MYO16: variants seen among roughly 807,000 people sequenced by gnomAD.
MYO16 encodes myosin XVI.
In MYO16, 94 loss-of-function variants were observed where a neutral mutation model predicts 205.3. That is an observed-to-expected ratio of 0.46 (90% confidence interval 0.39 to 0.54). The LOEUF is 0.54. MYO16 is among the 20% of genes least tolerant of loss of function. The probability of loss-of-function intolerance (pLI) is 0.00; values close to 1 mark genes in which losing one functional copy is unlikely to be tolerated. For synonymous variants in MYO16, 988 were observed against 954.0 expected (o/e 1.04, Z -0.66); for missense variants, 2,315 against 2,387.5 (o/e 0.97, Z 0.63).
At position 109,125,484 on chromosome 13, in the gene MYO16, T is replaced by C; in HGVS notation, c.3782+126T>C. 7.7e-7 allele frequency: 1 copy of C among 1,292,558 alleles called. No homozygotes were observed. 80.1% of individuals were successfully genotyped at this position (1,292,558 alleles called of 1,614,324 possible). On this transcript the variant is annotated intron_variant, in intron 30 of 34. Coordinates refer to ENST00000457511, the MANE Select transcript of MYO16 (RefSeq NM_001198950.3). This position sits in a 1 kb window ranked among gnomAD's most constrained non-coding sequence, Gnocchi z 4.0. ...CAGGAGTTGCAGGAACAGGCATGCG[T>C]GGTTTGTTATTCGAAATGGCAGCAG... is the stretch of plus-strand genomic sequence containing the variant.
At chr13:109,084,301 T>TGGAATTGATGGCAGTTA in intron 27 of MYO16, among the ~76,000 whole-genome samples, 1 of 152,118 alleles carries the variant, frequency 6.6e-6, no homozygotes, top group South Asian at 2.1e-4. Context: ...TCCCTATACA[T>TGGAATTGATGGCAGTTA]GGAATTGATG....
intron 27 of MYO16, among the ~76,000 whole-genome samples, chr13:109,088,762 GAC>G (rs534901102): frequency 1.3e-4 from 20 of 152,194 alleles, no homozygotes; most frequent in Non-Finnish European, 2.4e-4. Flanking sequence ...GCGAGAAGAA[GAC>G]ACAGCGCCTT....
Position 109,207,348 on chromosome 13 carries a change from T to C in MYO16, c.*512T>C, listed in dbSNP as rs1880646436. 1 of 152,252 alleles carries C rather than the reference T, an allele frequency of 6.6e-6. No homozygotes were observed. The highest frequency in any genetic ancestry group is 6.5e-5 in the Admixed American group (1 of 15,284). The allele number at this position is 152,252 out of a possible 1,614,324, so 9.4% of individuals were successfully genotyped here. A position where few individuals can be genotyped will look rare whatever the true frequency, so the allele number is the denominator to read the frequency against. On this transcript the variant is annotated 3_prime_UTR_variant, in exon 35 of 35. Coordinates refer to ENST00000457511, the MANE Select transcript of MYO16 (RefSeq NM_001198950.3). The stretch of plus-strand genomic sequence containing the variant: ...ATGTTTATTACTGTAATTTTATAAA[T>C]TTATGCAATTGGTGGTGCTTCCTTT...
At chr13:108,602,021 C>T (rs1878782439) in intron 1 of MYO16, among the ~76,000 whole-genome samples, 1 of 148,916 alleles carries the variant, frequency 6.7e-6, no homozygotes, top group South Asian at 2.2e-4. Context: ...AATGGTGGGG[C>T]CCTCATGATG....
intron 23 of MYO16, among the ~76,000 whole-genome samples, chr13:109,044,775 C>T (rs1310348804): frequency 2.0e-5 from 3 of 152,154 alleles, no homozygotes; most frequent in South Asian, 2.1e-4. Context: ...CTGCAGCTTC[C>T]GCCTCCCAGG....
At chr13:108,535,715 T>C in the MYO16 span, among the ~76,000 whole-genome samples, 1 of 152,188 alleles carries the variant, frequency 6.6e-6, no homozygotes, top group Non-Finnish European at 1.5e-5. Flanking sequence ...TGTAGTCTTT[T>C]TTCTTAGGTG....
intron 4 of MYO16, among the ~76,000 whole-genome samples, chr13:108,774,844 G>T (rs1487007895): frequency 6.6e-6 from 1 of 152,138 alleles, no homozygotes; most frequent in Non-Finnish European, 1.5e-5. Context: ...TACATCATGA[G>T]AAAGTATATA....
At chr13:109,042,684 C>G (rs1227250532) in intron 23 of MYO16, among the ~76,000 whole-genome samples, 1 of 152,174 alleles carries the variant, frequency 6.6e-6, no homozygotes, top group Non-Finnish European at 1.5e-5. Context: ...TACTGGTCAT[C>G]TATATCTTAT....
rs149648558 is a variant in MYO16 at position 108,985,495 on chromosome 13, G to A, written c.2370-6881G>A. Among the ~76,000 whole-genome samples the A allele has an allele frequency of 5.2e-3, 795 of 152,342 alleles. 8 individuals carry two copies. The highest frequency in any genetic ancestry group is 0.018 in the African/African-American group (759 of 41,584). On this transcript the variant is annotated intron_variant, in intron 20 of 34. Transcript: ENST00000457511. ...TTTGACAGCGTAGCATGTAGCTGAC[G>A]TGTCAGCAGACGTGGGAGGAGACCA...
At chr13:108,496,456 A>G in the MYO16 span, among the ~76,000 whole-genome samples, 1 of 152,116 alleles carries the variant, frequency 6.6e-6, no homozygotes, top group Non-Finnish European at 1.5e-5. Context: ...TCTTGCGCGG[A>G]TTCTGCTGAC....
chr13:108,968,764 G>A (rs547285939), intron 20 of MYO16, among the ~76,000 whole-genome samples: 8 of 152,234 alleles, frequency 5.3e-5, no homozygotes, highest in South Asian at 2.1e-4. Flanking sequence ...GACTCAGATC[G>A]ACATCACCAC....
At chr13:108,829,876 T>C (rs7997466) in intron 9 of MYO16, among the ~76,000 whole-genome samples, 93,192 of 151,360 alleles carry the variant, frequency 0.62, 29,564 homozygotes, top group Middle Eastern at 0.72. Flanking sequence ...AAAGGGCTAA[T>C]ATCCAGAATC....
At chr13:109,027,749 C>G (rs1330079812) in intron 23 of MYO16, among the ~76,000 whole-genome samples, 1 of 152,120 alleles carries the variant, frequency 6.6e-6, no homozygotes, top group African/African-American at 2.4e-5. Context: ...ATTATTTTTA[C>G]TCATTTTTTC....
At chr13:108,749,406 C>T (rs981984956) in intron 4 of MYO16, among the ~76,000 whole-genome samples, 9 of 152,094 alleles carry the variant, frequency 5.9e-5, no homozygotes, top group East Asian at 1.9e-4. Context: ...ACAAAGAACT[C>T]GTAAACCTCA....
rs3042037 is a variant in MYO16 at position 108,898,351 on chromosome 13, AGTGTGT to A, written c.1777+251_1777+256del. ...TCAGGCACTCAGTTGAGGGTGTGTGAGTGTGTGTGTGTGTGTGTGTGTGTGTGTGTG... is the reference window on the plus strand; with the variant it reads ...TCAGGCACTCAGTTGAGGGTGTGTGAGTGTGTGTGTGTGTGTGTGTGTGTG... On this transcript the variant is annotated intron_variant, in intron 15 of 34. Transcript: ENST00000457511. Among the ~76,000 whole-genome samples the A allele has an allele frequency of 5.2e-3, 748 of 144,956 alleles. 9 individuals are homozygous for A. The highest frequency in any genetic ancestry group is 0.036 in the East Asian group (174 of 4,868).
the MYO16 span, among the ~76,000 whole-genome samples, chr13:108,533,714 T>C: frequency 2.6e-5 from 4 of 152,346 alleles, no homozygotes; most frequent in East Asian, 7.7e-4. Context: ...ACAGCAAATA[T>C]GTATTTAGTC....
chr13:108,643,963 A>G (rs1270740668), intron 1 of MYO16, among the ~76,000 whole-genome samples: 2 of 152,178 alleles, frequency 1.3e-5, no homozygotes, highest in East Asian at 3.9e-4. Context: ...GGGATGGGAA[A>G]TATTAGGTAA....
chr13:109,179,781 GTCT>G (rs1038477348), intron 34 of MYO16, 148 bp downstream of exon 34: 68 of 573,862 alleles, frequency 1.2e-4, no homozygotes, highest in African/African-American at 1.1e-3. Context: ...CAGCTGAATG[GTCT>G]TCTCTCTCCA....
intron 32 of MYO16, among the ~76,000 whole-genome samples, chr13:109,158,189 G>A (rs1042438530): frequency 8.5e-5 from 13 of 152,088 alleles, no homozygotes; most frequent in South Asian, 4.2e-4. Flanking sequence ...CGTGCTGTCC[G>A]TTCTGCCAGG....
Sources: allele counts gnomAD v4.1 joint callset (sites outside exome capture counted in the v4.1 genomes callset), GRCh38; gene constraint gnomAD v4.1.1; non-coding constraint Gnocchi (gnomAD v3.1); transcripts MANE v1.5; gene names NCBI Gene and HGNC (gene_info 2026-07-23, HGNC 2026-07-21).